TRIP13: variants seen among roughly 807,000 people sequenced by gnomAD.
TRIP13 encodes the protein pachytene checkpoint protein 2 homolog.
A neutral mutation model predicts 54.4 loss-of-function variants in TRIP13; 25 were observed. The observed-to-expected ratio is 0.46, with a 90% CI of 0.33 to 0.64. The LOEUF (loss-of-function observed/expected upper bound fraction) is 0.64, where lower values mean the gene tolerates loss of function less well. Ranked by LOEUF, TRIP13 falls within the 30% of genes least tolerant of loss-of-function variation. The probability of loss-of-function intolerance (pLI) is 0.02; values close to 1 mark genes in which losing one functional copy is unlikely to be tolerated. For missense variants in TRIP13, 373 were observed against 534.2 expected (o/e 0.70, Z 2.97); for synonymous variants, 207 against 207.8 (o/e 1.00, Z 0.03).
intron 1 of TRIP13, among the ~76,000 whole-genome samples, 188 bp from the exon 2 acceptor site, chr5:894,599 G>C (rs567092087): frequency 1.6e-4 from 24 of 152,296 alleles, no homozygotes; most frequent in Non-Finnish European, 2.4e-4. Flanking sequence ...AGCTTCTTCA[G>C]GGCACAGCTG....
rs922382605 is a variant in TRIP13, at chr5:907,586, C to T, written c.672+393C>T. Among the ~76,000 whole-genome samples, 5 of 152,366 alleles carry T rather than the reference C, an allele frequency of 3.3e-5. No homozygotes were observed. The highest frequency in any genetic ancestry group is 1.9e-4 in the East Asian group (1 of 5,182). On this transcript the variant is annotated intron_variant, in intron 7 of 12. Coordinates refer to ENST00000166345, the MANE Select transcript of TRIP13 (RefSeq NM_004237.4). This position sits in a 1 kb window ranked among gnomAD's most constrained non-coding sequence, Gnocchi z 4.1. ...GTGCCCAAGTCACCTGGCATCCGCA[C>T]ATCCCTCTGGTGAGGTGAGGTGGGA... is the stretch of plus-strand genomic sequence containing the variant.
At chr5:901,643 T>A (rs1753992735) in intron 5 of TRIP13, among the ~76,000 whole-genome samples, 1 of 152,218 alleles carries the variant, frequency 6.6e-6, no homozygotes, top group Non-Finnish European at 1.5e-5. Flanking sequence ...AGACAGAGTC[T>A]CGCTGTCGAC....
chr5:910,479 C>G (rs1754207943), intron 9 of TRIP13, among the ~76,000 whole-genome samples: 2 of 152,112 alleles, frequency 1.3e-5, no homozygotes, highest in South Asian at 4.1e-4. Context: ...GGCACACTCC[C>G]ACACTGCTCA....
At position 911,882 on chromosome 5, in the gene TRIP13, C is replaced by T. The variant is rs140779385; in HGVS notation, c.906C>T (p.Thr302=). ...TGATTCTGACCACTTCTAACATCAC[C>T]GAGAAGATCGACGTGGCCTTCGTGG... ...NVVILTTSNI[T]EKIDVAFVDR... Residue 302 remains threonine, a synonymous_variant, in exon 10 of 13, where the codon ACC becomes ACT. Coordinates refer to ENST00000166345, the MANE Select transcript of TRIP13 (RefSeq NM_004237.4). The surrounding 1 kb of genome is among the most constrained non-coding windows in gnomAD (Gnocchi z 4.7). 2.4e-5 allele frequency: 39 copies of T among 1,613,776 alleles called. No individual in the cohort carries two copies. The highest frequency in any genetic ancestry group is 1.3e-4 in the African/African-American group (10 of 74,982).
At position 915,906 on chromosome 5, in the gene TRIP13, A is replaced by G. The variant is rs777202257; in HGVS notation, c.1136A>G (p.Lys379Arg). 157 of 1,614,012 alleles carry G rather than the reference A, an allele frequency of 9.7e-5. No homozygotes were observed. Among genetic ancestry groups the G allele is most frequent in the Non-Finnish European group, 1.3e-4 (148 of 1,179,996 alleles). Residue 379 changes from lysine (K) to arginine (R), a missense_variant and splice_region_variant, in exon 12 of 13, where the codon AAG becomes AGG. Physicochemically the swap from Lys to Arg is conservative, Grantham distance 26. This residue lies in a region of TRIP13 where 101 missense variants were observed against 138.5 expected (regional missense o/e 0.73). Transcript: ENST00000166345. This position sits in a 1 kb window ranked among gnomAD's most constrained non-coding sequence, Gnocchi z 4.2. ...LSLLLNDISR[K>R]SEGLSGRVLR... Reference sequence around the variant, plus strand: ...TGAACTGGGTTTTCTTTACACAGGAAGAGCGAGGGCCTCAGCGGCCGGGTC... The same window carrying G: ...TGAACTGGGTTTTCTTTACACAGGAGGAGCGAGGGCCTCAGCGGCCGGGTC...
rs145434432 is a variant in TRIP13 at position 902,765 on chromosome 5, T to G, written c.535+1334T>G. Among the ~76,000 whole-genome samples the G allele has an allele frequency of 2.2e-3, 332 of 152,082 alleles. 1 individual carries two copies. The highest frequency in any genetic ancestry group is 7.7e-3 in the African/African-American group (320 of 41,478). On this transcript the variant is annotated intron_variant, in intron 5 of 12. Coordinates refer to ENST00000166345, the MANE Select transcript of TRIP13 (RefSeq NM_004237.4). ...CCAGGCTGCGCTGATATATATTGGATACAAGACAAAGGGGCAGGGTAAGGA... is the reference window on the plus strand; with the variant it reads ...CCAGGCTGCGCTGATATATATTGGAGACAAGACAAAGGGGCAGGGTAAGGA...
At chr5:919,320 G>C (rs1754386561), downstream of TRIP13, 1 of 152,214 alleles carries the variant, frequency 6.6e-6, no homozygotes, top group Non-Finnish European at 1.5e-5. Context: ...TGATTTGCTT[G>C]TTATATAAAA....
rs1754155848 is a variant in TRIP13, at chr5:908,159, T to C, written c.759+85T>C. ...CAGCCTACTCCTGATGCTCCTAGCTTTCCCCTCCTACAGCCGGGCTGCCCT... is the reference window on the plus strand; with the variant it reads ...CAGCCTACTCCTGATGCTCCTAGCTCTCCCCTCCTACAGCCGGGCTGCCCT... On this transcript the variant is annotated intron_variant, in intron 8 of 12. Transcript: ENST00000166345. The surrounding 1 kb of genome is among the most constrained non-coding windows in gnomAD (Gnocchi z 5.2). The C allele has an allele frequency of 8.6e-6, 13 of 1,519,474 alleles. No homozygotes were observed. The South Asian group carries it at 1.3e-4, about 16-fold the overall frequency. The allele number at this position is 1,519,474 out of a possible 1,614,324, so 94.1% of individuals were successfully genotyped here.
At position 911,456 on chromosome 5, in the gene TRIP13, G is replaced by A. The variant is rs1215943813; in HGVS notation, c.867-387G>A. On this transcript the variant is annotated intron_variant, in intron 9 of 12. Transcript: ENST00000166345. This position sits in a 1 kb window ranked among gnomAD's most constrained non-coding sequence, Gnocchi z 4.7. ...CACGGTGGCGGGCGCCTGTAGTCCC[G>A]GCTACTTGGGAGGCTGAGGCAGGAG... Among the ~76,000 whole-genome samples the A allele has an allele frequency of 1.3e-5, 2 of 151,988 alleles. No individual in the cohort carries two copies. Among genetic ancestry groups the A allele is most frequent in the South Asian group, 2.1e-4 (1 of 4,816 alleles).
In TRIP13 at chr5:916,990, T is replaced by C. The variant is rs1754354439; in HGVS notation, c.1204-18T>C. 2 of 1,609,878 alleles carry C rather than the reference T, an allele frequency of 1.2e-6. No homozygotes were observed. Among genetic ancestry groups the C allele is most frequent in the African/African-American group, 2.7e-5 (2 of 74,672 alleles). On this transcript the variant is annotated intron_variant, in intron 12 of 12. Transcript: ENST00000166345. ...AACGTGAGTTGAGCCCCTCCAGCAA[T>C]GACCGTGTACCTTCTAGGCCCCCAC...
In TRIP13 at chr5:900,353, A is replaced by G. The variant is rs1753956807; in HGVS notation, c.389-141A>G. ...ATTTGAAGAAAAATTTGCAGAATTT[A>G]TACTTTCCTGTAATCAGAATCATAG... On this transcript the variant is annotated intron_variant, in intron 3 of 12. Transcript: ENST00000166345. 4 of 798,126 alleles carry G rather than the reference A, an allele frequency of 5.0e-6. No homozygotes were observed. In the South Asian group the frequency reaches 5.5e-5, roughly 11 times the overall value. The allele number at this position is 798,126 out of a possible 1,614,324, so 49.4% of individuals were successfully genotyped here.
chr5:917,879 A>G lies in TRIP13; in HGVS notation c.*776A>G, dbSNP rs1754369641. The G allele has an allele frequency of 6.6e-6, 1 of 152,166 alleles. No individual in the cohort carries two copies. The highest frequency in any genetic ancestry group is 2.4e-5 in the African/African-American group (1 of 41,428). The allele number at this position is 152,166 out of a possible 1,614,324, so 9.4% of individuals were successfully genotyped here. ...GAGGATTCACATTAATATAATATAA[A>G]ATAAATAGGTCAGTTACTGGTCTCT... On this transcript the variant is annotated 3_prime_UTR_variant, in exon 13 of 13. Coordinates refer to ENST00000166345, the MANE Select transcript of TRIP13 (RefSeq NM_004237.4).
chr5:902,863 C>T lies in TRIP13; in HGVS notation c.536-1285C>T, dbSNP rs192551178. The stretch of plus-strand genomic sequence containing the variant: ...CACTGGACAGGGGACCCTTCCCTGC[C>T]TGGCAGCTGAGGCAGAGAGAGAGAA... On this transcript the variant is annotated intron_variant, in intron 5 of 12. Coordinates refer to ENST00000166345, the MANE Select transcript of TRIP13 (RefSeq NM_004237.4). Among the ~76,000 whole-genome samples, 259 of 152,314 alleles carry T rather than the reference C, an allele frequency of 1.7e-3. 2 individuals are homozygous for T. Among genetic ancestry groups the T allele is most frequent in the Middle Eastern group, 6.8e-3 (2 of 294 alleles).
chr5:893,311 C>T (rs1341426325), intron 1 of TRIP13, among the ~76,000 whole-genome samples: 1 of 152,158 alleles, frequency 6.6e-6, no homozygotes, highest in African/African-American at 2.4e-5. Flanking sequence ...GACCCGAGCC[C>T]TGCGCGCAGG....
intron 3 of TRIP13, 110 bp from the exon 4 acceptor site, chr5:900,384 C>A (rs1277263646): frequency 9.6e-7 from 1 of 1,044,210 alleles, no homozygotes; most frequent in Non-Finnish European, 1.4e-6. Flanking sequence ...CATAGTCTTG[C>A]CTGGAGCAGC....
Position 904,236 on chromosome 5 carries a change from C to T in TRIP13, c.608+16C>T, listed in dbSNP as rs1754057810. ...TTTCAAGCAGGTAACTTTCGGTAAT[C>T]TGTGAGAGGAGAGCCATGGGAATGG... On this transcript the variant is annotated intron_variant, in intron 6 of 12. Transcript: ENST00000166345. 1.3e-6 allele frequency: 2 copies of T among 1,598,312 alleles called. No homozygotes were observed. Among genetic ancestry groups the T allele is most frequent in the Non-Finnish European group, 1.7e-6 (2 of 1,174,200 alleles).
At chr5:914,604 CAAG>C (rs752651953) in intron 11 of TRIP13, 27 bp downstream of exon 11, 4 of 1,559,574 alleles carry the variant, frequency 2.6e-6, no homozygotes, top group African/African-American at 2.7e-5. Context: ...TTTTTGTAAT[CAAG>C]AAGAATCCAT....
intron 5 of TRIP13, among the ~76,000 whole-genome samples, chr5:902,003 C>T (rs1265214550): frequency 3.9e-5 from 6 of 152,304 alleles, no homozygotes; most frequent in East Asian, 1.9e-4. Flanking sequence ...ATGCCCCAAA[C>T]GTGGATAATA....
At chr5:918,631 A>G (rs139198770), downstream of TRIP13, among the ~76,000 whole-genome samples, 901 of 152,278 alleles carry the variant, frequency 5.9e-3, 6 homozygotes, top group African/African-American at 0.021. This position sits in a 1 kb window ranked among gnomAD's most constrained non-coding sequence, Gnocchi z 4.3. Context: ...ATACATATAT[A>G]AAGGGGAGTT....
Sources: allele counts gnomAD v4.1 joint callset (sites outside exome capture counted in the v4.1 genomes callset), GRCh38; gene constraint gnomAD v4.1.1; regional missense constraint gnomAD v4.1.1; non-coding constraint Gnocchi (gnomAD v3.1); transcripts MANE v1.5; gene names NCBI Gene and HGNC (gene_info 2026-07-23, HGNC 2026-07-21).